SH3TC2: variants seen among roughly 807,000 people sequenced by gnomAD.
The protein encoded by SH3TC2 is SH3 domain and tetratricopeptide repeat-containing protein 2.
SH3TC2 carries 87 observed loss-of-function variants against 124.5 expected under a neutral mutation model. The ratio of observed to expected loss-of-function variants is 0.70; its 90% CI spans 0.59 to 0.84. SH3TC2 has a LOEUF of 0.84. Among genes scored for constraint, SH3TC2 ranks in the 40% least tolerant of loss-of-function variants. The pLI is 0.00. For missense variants in SH3TC2, 1,536 were observed against 1,566.4 expected (o/e 0.98, Z 0.33); for synonymous variants, 634 against 628.5 (o/e 1.01, Z -0.13).
At chr5:149,023,135 A>G (rs1224209313) in intron 12 of SH3TC2, among the ~76,000 whole-genome samples, 1 of 152,208 alleles carries the variant, frequency 6.6e-6, no homozygotes, top group Non-Finnish European at 1.5e-5. Flanking sequence ...CTCTGTTTGA[A>G]TACTTGTAAA....
intron 1 of SH3TC2, among the ~76,000 whole-genome samples, chr5:149,056,788 T>C (rs1001393280): frequency 2.0e-5 from 3 of 152,238 alleles, no homozygotes; most frequent in Non-Finnish European, 4.4e-5. Context: ...TACAGCATTC[T>C]TTTACACATG....
chr5:149,012,605 C>T lies in SH3TC2; in HGVS notation c.3183G>A (p.Glu1061=), dbSNP rs1237080220. 6.2e-7 allele frequency: 1 copy of T among 1,614,184 alleles called. No individual in the cohort carries two copies. Among genetic ancestry groups the T allele is most frequent in the Non-Finnish European group, 8.5e-7 (1 of 1,180,024 alleles). ...GRLHYLMQED[E]LVELCLQAAI... The stretch of plus-strand genomic sequence containing the variant: ...CTACCTGCAGGCACAGCTCCACCAG[C>T]TCGTCTTCCTGCATGAGGTAGTGGA... The change falls in exon 13 of 17, where the codon GAG becomes GAA. Residue 1061 remains glutamate, a synonymous_variant. Coordinates refer to ENST00000515425, the MANE Select transcript of SH3TC2 (RefSeq NM_024577.4).
rs997823674 is a variant in SH3TC2 at position 148,984,126 on chromosome 5, T to A, written c.*20585A>T. The stretch of plus-strand genomic sequence containing the variant: ...CTATTATTTCTTTAGATAGGCTTTG[T>A]GTCCCTTTATCTCTCTCTTCTCTTT... On this transcript the variant is annotated 3_prime_UTR_variant, in exon 17 of 17. Transcript: ENST00000515425. Among the ~76,000 whole-genome samples the A allele has an allele frequency of 6.6e-6, 1 of 152,234 alleles. No homozygotes were observed. Among genetic ancestry groups the A allele is most frequent in the African/African-American group, 2.4e-5 (1 of 41,478 alleles).
rs140985600 is a variant in SH3TC2 at position 149,004,765 on chromosome 5, G to A, written c.3813C>T (p.Ser1271=). The change falls in exon 17 of 17, where the codon TCC becomes TCT. Residue 1271 remains serine, a synonymous_variant. Coordinates refer to ENST00000515425, the MANE Select transcript of SH3TC2 (RefSeq NM_024577.4). ...ACCGCGCCCTCTCTGAGGAGCACCC[G>A]GAGGGCCTGCTGTGCCACAGGGGGC... is the stretch of plus-strand genomic sequence containing the variant. ...CQSPLWHSRP[S]GCSSERARWL... The A allele has an allele frequency of 2.4e-3, 3,949 of 1,614,022 alleles. 9 individuals are homozygous for A. The highest frequency in any genetic ancestry group is 3.0e-3 in the Non-Finnish European group (3,542 of 1,180,012).
chr5:148,993,137 A>G lies in SH3TC2; in HGVS notation c.*11574T>C, dbSNP rs1311605890. On this transcript the variant is annotated 3_prime_UTR_variant, in exon 17 of 17. Transcript: ENST00000515425. Reference sequence around the variant, plus strand: ...GTCCCTCACCGTTTCGATTGAAATAATCAGTTCAAAATAAAACTGACAACA... The same window carrying G: ...GTCCCTCACCGTTTCGATTGAAATAGTCAGTTCAAAATAAAACTGACAACA... Among the ~76,000 whole-genome samples the G allele has an allele frequency of 6.6e-6, 1 of 152,210 alleles. No individual in the cohort carries two copies. The highest frequency in any genetic ancestry group is 1.5e-5 in the Non-Finnish European group (1 of 68,044).
At chr5:149,022,259 C>A (rs185263707) in intron 12 of SH3TC2, among the ~76,000 whole-genome samples, 1 of 152,120 alleles carries the variant, frequency 6.6e-6, no homozygotes, top group Non-Finnish European at 1.5e-5. Context: ...TCCAAAGATA[C>A]ACAAAGGGCT....
rs540513790 is a variant in SH3TC2 at position 148,997,464 on chromosome 5, C to G, written c.*7247G>C. Among the ~76,000 whole-genome samples the G allele has an allele frequency of 6.6e-6, 1 of 152,194 alleles. No homozygotes were observed. Among genetic ancestry groups the G allele is most frequent in the Admixed American group, 6.5e-5 (1 of 15,280 alleles). Reference sequence around the variant, plus strand: ...GGCTAAGTTACCTGACTGTGGTCAACAATAACACCAGTATTTCTTTTTCAA... The same window carrying G: ...GGCTAAGTTACCTGACTGTGGTCAAGAATAACACCAGTATTTCTTTTTCAA... On this transcript the variant is annotated 3_prime_UTR_variant, in exon 17 of 17. Transcript: ENST00000515425.
chr5:149,007,440 T>A (rs562069074), intron 15 of SH3TC2: 2 of 518,118 alleles, frequency 3.9e-6, no homozygotes, highest in South Asian at 4.9e-5. Context: ...TGAGAAAGAA[T>A]TCTTCTTAAA....
intron 5 of SH3TC2, among the ~76,000 whole-genome samples, chr5:149,042,009 T>C (rs1399926361): frequency 6.6e-6 from 1 of 152,224 alleles, no homozygotes; most frequent in Non-Finnish European, 1.5e-5. Flanking sequence ...TGGGTGAATA[T>C]AATTACTCCA....
In SH3TC2 at chr5:148,984,263, C is replaced by T. The variant is rs546368955; in HGVS notation, c.*20448G>A. Among the ~76,000 whole-genome samples the T allele has an allele frequency of 1.3e-5, 2 of 152,040 alleles. No homozygotes were observed. The highest frequency in any genetic ancestry group is 2.1e-4 in the South Asian group (1 of 4,810). On this transcript the variant is annotated 3_prime_UTR_variant, in exon 17 of 17. Coordinates refer to ENST00000515425, the MANE Select transcript of SH3TC2 (RefSeq NM_024577.4). ...CTTCGACTGGATAATTTCAAGTGTC[C>T]TGTCTTTGAGTTCACTTATTCTTTC... is the stretch of plus-strand genomic sequence containing the variant.
intron 8 of SH3TC2, among the ~76,000 whole-genome samples, chr5:149,033,080 T>G (rs1023428119): frequency 2.0e-5 from 3 of 152,176 alleles, no homozygotes; most frequent in African/African-American, 7.2e-5. Flanking sequence ...AATCCATGTT[T>G]GTAGATTAAG....
At chr5:149,049,552 A>G (rs1197378342) in intron 2 of SH3TC2, among the ~76,000 whole-genome samples, 1 of 152,158 alleles carries the variant, frequency 6.6e-6, no homozygotes, top group East Asian at 1.9e-4. Context: ...GGAGCACTTA[A>G]GCTCAGGAGT....
At chr5:149,036,470 G>A (rs1287451978) in intron 8 of SH3TC2, among the ~76,000 whole-genome samples, 1 of 152,102 alleles carries the variant, frequency 6.6e-6, no homozygotes, top group Non-Finnish European at 1.5e-5. Context: ...ATCCTCCAGG[G>A]TTCTTCCCCC....
At position 148,997,082 on chromosome 5, in the gene SH3TC2, T is replaced by C. The variant is rs866403711; in HGVS notation, c.*7629A>G. 1.2e-4 allele frequency among the ~76,000 whole-genome samples: 18 copies of C among 152,348 alleles called. No individual in the cohort carries two copies. The highest frequency in any genetic ancestry group is 3.4e-3 in the Middle Eastern group (1 of 294). The stretch of plus-strand genomic sequence containing the variant: ...CCCAGGCTATTTGTTTTGCAACACA[T>C]ATTTGGATGAGAAGGATGTTCCTAA... On this transcript the variant is annotated 3_prime_UTR_variant, in exon 17 of 17. Transcript: ENST00000515425.
In SH3TC2 at chr5:148,984,245, T is replaced by G. The variant is rs1460514606; in HGVS notation, c.*20466A>C. Reference sequence around the variant, plus strand: ...TCTTTTTTCTTTTTGTTCCTTCGACTGGATAATTTCAAGTGTCCTGTCTTT... The same window carrying G: ...TCTTTTTTCTTTTTGTTCCTTCGACGGGATAATTTCAAGTGTCCTGTCTTT... On this transcript the variant is annotated 3_prime_UTR_variant, in exon 17 of 17. Transcript: ENST00000515425. Among the ~76,000 whole-genome samples, 3 of 152,114 alleles carry G rather than the reference T, an allele frequency of 2.0e-5. No individual in the cohort carries two copies. Among genetic ancestry groups the G allele is most frequent in the Non-Finnish European group, 4.4e-5 (3 of 68,012 alleles).
At chr5:149,017,978 G>C (rs1753903401) in intron 12 of SH3TC2, among the ~76,000 whole-genome samples, 1 of 152,210 alleles carries the variant, frequency 6.6e-6, no homozygotes, top group Admixed American at 6.5e-5. Flanking sequence ...GCAGAGTGGA[G>C]TACTTGTGGC....
intron 9 of SH3TC2, among the ~76,000 whole-genome samples, chr5:149,029,497 CT>C (rs1242909037): frequency 1.3e-5 from 2 of 152,052 alleles, no homozygotes; most frequent in African/African-American, 4.8e-5. Flanking sequence ...TCACAAATTG[CT>C]GGCCAGAGTC....
intron 12 of SH3TC2, among the ~76,000 whole-genome samples, chr5:149,013,959 A>G (rs910863209): frequency 6.6e-6 from 1 of 152,202 alleles, no homozygotes; most frequent in African/African-American, 2.4e-5. Context: ...TAAGCTCTCC[A>G]TGTAATTCTG....
chr5:149,042,568 G>A (rs1398993399), intron 5 of SH3TC2, 126 bp downstream of exon 5: 1 of 1,133,376 alleles, frequency 8.8e-7, no homozygotes, highest in Non-Finnish European at 1.3e-6. Context: ...ATTATAACAG[G>A]TGGGTTCATT....
Sources: gnomAD v4.1 joint callset for allele counts (sites outside exome capture counted in the v4.1 genomes callset) on GRCh38, gnomAD v4.1.1 for gene constraint, MANE v1.5 for transcripts, NCBI Gene and HGNC (gene_info 2026-07-23, HGNC 2026-07-21) for gene names.